ARHGAP5: variants seen among roughly 807,000 people sequenced by gnomAD.
The protein encoded by ARHGAP5 is Rho GTPase activating protein 5.
A neutral mutation model predicts 116.6 loss-of-function variants in ARHGAP5; 23 were observed. The observed-to-expected ratio is 0.20, with a 90% confidence interval of 0.14 to 0.28. The LOEUF (loss-of-function observed/expected upper bound fraction) is 0.28, where lower values mean the gene tolerates loss of function less well. ARHGAP5 is among the 10% of genes least tolerant of loss of function. The pLI, the probability that ARHGAP5 is intolerant of heterozygous loss-of-function variation, is 1.00. For missense variants in ARHGAP5, 1,405 were observed against 1,774.8 expected, an observed-to-expected ratio of 0.79 and a Z score of 3.74; for synonymous variants, 574 against 602.0, an observed-to-expected ratio of 0.95 and a Z score of 0.68.
chr14:32,077,746 A>G (rs1486868422), intron 1 of ARHGAP5, among the ~76,000 whole-genome samples: 2 of 151,186 alleles, frequency 1.3e-5, no homozygotes. Flanking sequence ...CGGCCCCGCC[A>G]GGCGTCCGCT....
intron 3 of ARHGAP5, among the ~76,000 whole-genome samples, chr14:32,127,892 G>A (rs34749236): frequency 0.39 from 58,959 of 150,090 alleles, 12,902 homozygotes; most frequent in Middle Eastern, 0.6. Flanking sequence ...TCTCAGACGG[G>A]GCGGCTGGGC....
At chr14:32,096,537 A>T (rs1878536173) in intron 2 of ARHGAP5, among the ~76,000 whole-genome samples, 1 of 152,208 alleles carries the variant, frequency 6.6e-6, no homozygotes, top group Non-Finnish European at 1.5e-5. Flanking sequence ...ATAATAGAGA[A>T]TACTATCAAC....
rs748498840 is a variant in ARHGAP5 at position 32,158,980 on chromosome 14, C to T, written c.*4032C>T. 1 of 151,950 alleles carries T rather than the reference C, an allele frequency of 6.6e-6. No homozygotes were observed. The highest frequency in any genetic ancestry group is 1.5e-5 in the Non-Finnish European group (1 of 67,912). 9.4% of individuals were successfully genotyped at this position (151,950 alleles called of 1,614,324 possible). A position where few individuals can be genotyped will look rare whatever the true frequency, so the allele number is the denominator to read the frequency against. On this transcript the variant is annotated 3_prime_UTR_variant, in exon 7 of 7. Coordinates refer to ENST00000345122, the MANE Select transcript of ARHGAP5 (RefSeq NM_001030055.2). ...ATTTGCATGACTCCATTTTTTCCTC[C>T]ACTATATGAGTTTTCTTTGTCAGGG...
rs770099207 is a variant in ARHGAP5, at chr14:32,150,006, C to T, written c.4048C>T (p.Leu1350Phe). Residue 1350 changes from leucine to phenylalanine, a missense_variant, in exon 5 of 7, where the codon CTT (leucine) becomes TTT (phenylalanine). Leu to Phe is a conservative substitution (Grantham distance 22). Around this residue, in one of 6 missense-constraint regions of ARHGAP5, gnomAD observed 176 missense variants for 221.2 expected, o/e 0.80. Transcript: ENST00000345122. ...GCCAGATCCTTTAATTCCATATTCT[C>T]TTCATCCAGAACTATTGGAAGCAGC... Reference protein sequence around the residue: ...DLPDPLIPYSLHPELLEAAKI... With the variant: ...DLPDPLIPYSFHPELLEAAKI... 1.2e-6 allele frequency: 2 copies of T among 1,605,582 alleles called. No homozygotes were observed. The highest frequency in any genetic ancestry group is 1.1e-5 in the South Asian group (1 of 89,430).
At position 32,091,819 on chromosome 14, in the gene ARHGAP5, A is replaced by C. The variant is rs1458531693; in HGVS notation, c.1150A>C (p.Thr384Pro). 1 of 1,612,954 alleles carries C rather than the reference A, an allele frequency of 6.2e-7. No homozygotes were observed. Among genetic ancestry groups the C allele is most frequent in the Non-Finnish European group, 8.5e-7 (1 of 1,179,514 alleles). ...GTTATGTTTTGTGGTGCTAGAAAAAACTCCTTGGGATGAAACTGACCATAT... is the reference window on the plus strand; with the variant it reads ...GTTATGTTTTGTGGTGCTAGAAAAACCTCCTTGGGATGAAACTGACCATAT... ...FQLCFVVLEK[T>P]PWDETDHIDK... is the part of the protein sequence containing the mutation. The change falls in exon 2 of 7, where the codon ACT becomes CCT. Residue 384 changes from threonine (T) to proline (P), a missense_variant. Transcript: ENST00000345122.
In ARHGAP5 at chr14:32,145,187, G is replaced by T. The variant is rs149817372; in HGVS notation, c.3866-1076G>T. On this transcript the variant is annotated intron_variant, in intron 3 of 6. Transcript: ENST00000345122. ...TTTCACTGATAATATAGCATGGTGG[G>T]GTAGGTAGGGCATCTCTTACCTAGG... Among the ~76,000 whole-genome samples, 77 of 152,274 alleles carry T rather than the reference G, an allele frequency of 5.1e-4. 1 individual carries two copies. The highest frequency in any genetic ancestry group is 1.7e-3 in the African/African-American group (72 of 41,550).
chr14:32,110,346 A>T (rs566499177), intron 2 of ARHGAP5, among the ~76,000 whole-genome samples: 3 of 150,630 alleles, frequency 2.0e-5, no homozygotes, highest in African/African-American at 7.3e-5. Context: ...TTTTTAAGAG[A>T]TGGGATCTTG....
chr14:32,114,653 GA>G (rs1879465658), intron 2 of ARHGAP5, among the ~76,000 whole-genome samples: 1 of 152,164 alleles, frequency 6.6e-6, no homozygotes, highest in African/African-American at 2.4e-5. Flanking sequence ...TGCATCACCA[GA>G]GAATGATGGT....
chr14:32,135,509 A>G (rs551003879), intron 3 of ARHGAP5, among the ~76,000 whole-genome samples: 84 of 152,108 alleles, frequency 5.5e-4, no homozygotes, highest in African/African-American at 1.9e-3. Flanking sequence ...TGCAACCTCT[A>G]CCTCCCAGGT....
intron 3 of ARHGAP5, among the ~76,000 whole-genome samples, chr14:32,132,947 G>C (rs921493375): frequency 3.5e-4 from 53 of 152,178 alleles, no homozygotes; most frequent in Non-Finnish European, 4.7e-4. Flanking sequence ...TGGTCTGTAT[G>C]TCTGTTTTGG....
intron 2 of ARHGAP5, among the ~76,000 whole-genome samples, chr14:32,102,012 A>G (rs756552784): frequency 1.2e-4 from 19 of 152,274 alleles, no homozygotes; most frequent in African/African-American, 4.1e-4. Flanking sequence ...TAGGAAGGCA[A>G]TACTTACAGA....
Position 32,125,326 on chromosome 14 carries a change from G to GT in ARHGAP5, c.3865+8040dup, listed in dbSNP as rs1476838221. ...TTGAGGCTCATCTGTGTTGTAACATGTATCATTATGTGTATATACATACAT... is the reference window on the plus strand; with the variant it reads ...TTGAGGCTCATCTGTGTTGTAACATGTTATCATTATGTGTATATACATACAT... On this transcript the variant is annotated intron_variant, in intron 3 of 6. Transcript: ENST00000345122. Among the ~76,000 whole-genome samples the GT allele has an allele frequency of 2.6e-5, 4 of 152,168 alleles. No individual in the cohort carries two copies. In the South Asian group the frequency reaches 8.3e-4, roughly 32 times the overall value.
At chr14:32,089,792 C>T (rs931562428) in intron 1 of ARHGAP5, among the ~76,000 whole-genome samples, 6 of 151,654 alleles carry the variant, frequency 4.0e-5, no homozygotes, top group African/African-American at 1.5e-4. Flanking sequence ...AAATAAATTT[C>T]GTTATATTTT....
At chr14:32,114,928 C>A (rs1383118852) in intron 2 of ARHGAP5, among the ~76,000 whole-genome samples, 3 of 152,126 alleles carry the variant, frequency 2.0e-5, no homozygotes, top group African/African-American at 7.2e-5. Context: ...AAAAATGATA[C>A]CTTTTTGTCC....
Position 32,093,411 on chromosome 14 carries a change from A to G in ARHGAP5, c.2742A>G (p.Lys914=). ...GEHIATEITA[K]FTALYSLSQY... ...ACATTGCAACTGAGATCACTGCTAA[A>G]TTTACAGCACTGTATTCTTTATCTC... The change falls in exon 2 of 7, where the codon AAA becomes AAG. Residue 914 remains lysine, a synonymous_variant. Transcript: ENST00000345122. 1 of 1,613,974 alleles carries G rather than the reference A, an allele frequency of 6.2e-7. No homozygotes were observed. The highest frequency in any genetic ancestry group is 8.5e-7 in the Non-Finnish European group (1 of 1,179,914).
chr14:32,137,770 G>A (rs946109067), intron 3 of ARHGAP5, among the ~76,000 whole-genome samples: 35 of 151,828 alleles, frequency 2.3e-4, no homozygotes, highest in African/African-American at 7.7e-4. Context: ...TCAGGAGTTC[G>A]AGACCAGCCT....
At chr14:32,151,706 C>T (rs1881645144) in intron 5 of ARHGAP5, among the ~76,000 whole-genome samples, 1 of 152,156 alleles carries the variant, frequency 6.6e-6, no homozygotes, top group African/African-American at 2.4e-5. Context: ...CCCACAAAGC[C>T]TAAAATAGTT....
intron 2 of ARHGAP5, among the ~76,000 whole-genome samples, chr14:32,100,080 TACTTA>T (rs1878721374): frequency 6.6e-6 from 1 of 152,206 alleles, no homozygotes; most frequent in Non-Finnish European, 1.5e-5. Context: ...CACAAAAGAA[TACTTA>T]ACTTTATTGT....
intron 2 of ARHGAP5, among the ~76,000 whole-genome samples, chr14:32,097,897 A>C (rs1594351883): frequency 6.6e-6 from 1 of 152,242 alleles, no homozygotes; most frequent in Non-Finnish European, 1.5e-5. Context: ...TCAAGTCCCC[A>C]GGAATAATTA....
Sources: allele counts gnomAD v4.1 joint callset (sites outside exome capture counted in the v4.1 genomes callset), GRCh38; gene constraint gnomAD v4.1.1; regional missense constraint gnomAD v4.1.1; transcripts MANE v1.5; gene names NCBI Gene and HGNC (gene_info 2026-07-23, HGNC 2026-07-21).